CAST: variants seen among roughly 807,000 people sequenced by gnomAD.
CAST encodes the protein MIR583 host.
In CAST, 76 loss-of-function variants were observed where a neutral mutation model predicts 119.6. The observed-to-expected ratio is 0.64, with a 90% CI of 0.53 to 0.77. The LOEUF (loss-of-function observed/expected upper bound fraction) is 0.77. CAST is among the 30% of genes least tolerant of loss of function. The pLI, the probability that CAST is intolerant of heterozygous loss-of-function variation, is 0.00. For missense variants in CAST, 953 were observed against 946.5 expected (o/e 1.01, Z -0.09); for synonymous variants, 319 against 331.6 (o/e 0.96, Z 0.41).
At chr5:96,596,335 A>G (rs1049482379) in intron 1 of CAST, among the ~76,000 whole-genome samples, 3 of 152,190 alleles carry the variant, frequency 2.0e-5, no homozygotes, top group African/African-American at 7.2e-5. Flanking sequence ...AAGTAACTAC[A>G]AGCCAAGGAA....
At chr5:96,450,360 A>G in the CAST span, among the ~76,000 whole-genome samples, 1 of 152,204 alleles carries the variant, frequency 6.6e-6, no homozygotes, top group African/African-American at 2.4e-5. Flanking sequence ...TCAAAACCTC[A>G]TGTTCTCACA....
chr5:96,185,697 A>T, the CAST span, among the ~76,000 whole-genome samples: 23 of 151,926 alleles, frequency 1.5e-4, no homozygotes, highest in Non-Finnish European at 3.1e-4. Flanking sequence ...TATTCTGATC[A>T]ATTGGTCTAT....
At chr5:96,335,478 G>T in the CAST span, among the ~76,000 whole-genome samples, 5 of 152,026 alleles carry the variant, frequency 3.3e-5, no homozygotes, top group African/African-American at 9.7e-5. Context: ...CCCAACCATG[G>T]TCTCCTCTCC....
the CAST span, among the ~76,000 whole-genome samples, chr5:96,095,769 A>G: frequency 2.0e-5 from 3 of 152,042 alleles, no homozygotes; most frequent in African/African-American, 7.2e-5. Flanking sequence ...CCTTGTCCCT[A>G]TCTTCTTGAC....
At chr5:96,561,856 G>A (rs572164904) in intron 1 of CAST, among the ~76,000 whole-genome samples, 6 of 129,210 alleles carry the variant, frequency 4.6e-5, no homozygotes, top group Non-Finnish European at 8.0e-5. Context: ...GCAGTGGCGC[G>A]ATCTCGGCTC....
At chr5:96,601,763 G>A (rs1403092776) in intron 1 of CAST, among the ~76,000 whole-genome samples, 1 of 152,114 alleles carries the variant, frequency 6.6e-6, no homozygotes, top group Non-Finnish European at 1.5e-5. Flanking sequence ...CAAAACTAAA[G>A]CTAACACCCT....
chr5:96,585,111 T>C (rs1746836951), intron 1 of CAST: 1 of 152,230 alleles, frequency 6.6e-6, no homozygotes, highest in African/African-American at 2.4e-5. Flanking sequence ...GATATTAATA[T>C]GTAAGTTGTG....
chr5:96,378,125 A>G, the CAST span, among the ~76,000 whole-genome samples: 355 of 152,260 alleles, frequency 2.3e-3, 5 homozygotes, highest in East Asian at 0.017. Flanking sequence ...TTATAGAAGC[A>G]GATAGTGGAA....
At chr5:96,093,217 C>T in the CAST span, among the ~76,000 whole-genome samples, 1 of 152,080 alleles carries the variant, frequency 6.6e-6, no homozygotes, top group Non-Finnish European at 1.5e-5. Flanking sequence ...TGACCCAATT[C>T]TTTATTTAGT....
At chr5:96,711,746 T>G (rs1417033758) in intron 3 of CAST, among the ~76,000 whole-genome samples, 2 of 152,222 alleles carry the variant, frequency 1.3e-5, no homozygotes, top group Non-Finnish European at 1.5e-5. Context: ...GAGAGGGGAA[T>G]TTGTTTCTAA....
At chr5:96,320,273 A>G in the CAST span, among the ~76,000 whole-genome samples, 6 of 114,524 alleles carry the variant, frequency 5.2e-5, no homozygotes, top group Non-Finnish European at 1.0e-4. Flanking sequence ...ATTTTTGCCC[A>G]GGTTCCCAGA....
chr5:96,695,777 A>T, intron 2 of CAST, 59 bp from the exon 3 acceptor site: 1 of 1,112,836 alleles, frequency 9.0e-7, no homozygotes. Context: ...GTAAGTTTGC[A>T]TTTGACTACA....
chr5:96,123,706 A>G, the CAST span, among the ~76,000 whole-genome samples: 1 of 152,206 alleles, frequency 6.6e-6, no homozygotes, highest in Non-Finnish European at 1.5e-5. Flanking sequence ...TAGTTTTAAC[A>G]GTAAATTCAA....
chr5:96,727,436 GTCTA>G (rs1220452884), intron 5 of CAST, 49 bp from the exon 6 acceptor site: 51 of 948,816 alleles, frequency 5.4e-5, no homozygotes, highest in Admixed American at 3.7e-4. Context: ...TGTAAACTAT[GTCTA>G]TCTTTCTTTT....
chr5:96,380,834 A>C, the CAST span, among the ~76,000 whole-genome samples: 2 of 152,230 alleles, frequency 1.3e-5, no homozygotes, highest in African/African-American at 4.8e-5. Flanking sequence ...ATGTTGTCCA[A>C]ATAGCAATGC....
At chr5:96,697,034 G>A (rs1753379968) in intron 3 of CAST, among the ~76,000 whole-genome samples, 1 of 151,956 alleles carries the variant, frequency 6.6e-6, no homozygotes, top group South Asian at 2.1e-4. Flanking sequence ...GGTGTGTGGT[G>A]GTGCGCACCT....
the CAST span, among the ~76,000 whole-genome samples, chr5:96,464,584 C>T: frequency 6.6e-6 from 1 of 152,148 alleles, no homozygotes; most frequent in Admixed American, 6.6e-5. Context: ...TGGCTTTGAG[C>T]CATTTGCAGC....
chr5:96,196,950 T>G, the CAST span, among the ~76,000 whole-genome samples: 7 of 152,212 alleles, frequency 4.6e-5, no homozygotes, highest in Non-Finnish European at 1.0e-4. Flanking sequence ...TGCTTTTGAC[T>G]GAAGGAATGA....
chr5:96,135,756 A>G, the CAST span, among the ~76,000 whole-genome samples: 1 of 151,502 alleles, frequency 6.6e-6, no homozygotes, highest in African/African-American at 2.4e-5. Flanking sequence ...CTTTTTCTTT[A>G]TTTTAAAAAT....
Sources: gnomAD v4.1 joint callset for allele counts (sites outside exome capture counted in the v4.1 genomes callset) on GRCh38, gnomAD v4.1.1 for gene constraint, MANE v1.5 for transcripts, NCBI Gene and HGNC (gene_info 2026-07-23, HGNC 2026-07-21) for gene names.